The following UBE2Z variants were observed in gnomAD, a reference collection of about 807,000 sequenced individuals.
UBE2Z encodes the protein ubiquitin-conjugating enzyme E2 Z.
A neutral mutation model predicts 32.6 loss-of-function variants in UBE2Z; 10 were observed. The observed-to-expected ratio is 0.31, with a 90% confidence interval of 0.19 to 0.52. UBE2Z has a LOEUF of 0.52. Among genes scored for constraint, UBE2Z ranks in the 20% least tolerant of loss-of-function variants. The pLI is 0.97. For missense variants in UBE2Z, 343 were observed against 480.9 expected, an observed-to-expected ratio of 0.71 and a Z score of 2.68; for synonymous variants, 183 against 190.8, an observed-to-expected ratio of 0.96 and a Z score of 0.34.
intron 3 of UBE2Z, among the ~76,000 whole-genome samples, chr17:48,913,978 C>T (rs965550724): frequency 6.6e-6 from 1 of 152,128 alleles, no homozygotes; most frequent in Non-Finnish European, 1.5e-5. Flanking sequence ...CTCAAGCAGT[C>T]GTCCTCTTGT....
At position 48,908,676 on chromosome 17, in the gene UBE2Z, C is replaced by T. The variant is rs773417096; in HGVS notation, c.173C>T (p.Pro58Leu). ...GCGGCAGCGGGCGGGGCCGGGGGCCCGGGGAGCGGCCTGGCTCCGCTGCCC... is the reference window on the plus strand; with the variant it reads ...GCGGCAGCGGGCGGGGCCGGGGGCCTGGGGAGCGGCCTGGCTCCGCTGCCC... ...AAAAAGGAGG[P>L]GSGLAPLPGL... is the part of the protein sequence containing the mutation. Residue 58 changes from proline (P) to leucine (L), a missense_variant, in exon 1 of 7, where the codon CCG (proline) becomes CTG (leucine). Pro to Leu is a moderately conservative substitution (Grantham distance 98, BLOSUM62 -3). Coordinates refer to ENST00000360943, the MANE Select transcript of UBE2Z (RefSeq NM_023079.5). 2.4e-6 allele frequency: 3 copies of T among 1,226,720 alleles called. No homozygotes were observed. Among genetic ancestry groups the T allele is most frequent in the African/African-American group, 1.6e-5 (1 of 63,384 alleles). The allele number at this position is 1,226,720 out of a possible 1,614,324, so 76.0% of individuals were successfully genotyped here.
chr17:48,926,872 G>A (rs1196590101), intron 6 of UBE2Z, 92 bp from the exon 7 acceptor site: 2 of 1,395,084 alleles, frequency 1.4e-6, no homozygotes, highest in Admixed American at 4.7e-5. Flanking sequence ...CTCAGAAGTT[G>A]AGCTTTCATT....
At chr17:48,922,526 T>C (rs1288280497) in intron 5 of UBE2Z, among the ~76,000 whole-genome samples, 1 of 152,102 alleles carries the variant, frequency 6.6e-6, no homozygotes, top group East Asian at 1.9e-4. Context: ...CCTAGCACTT[T>C]GGGAGGCCGA....
rs748309498 is a variant in UBE2Z, at chr17:48,921,228, C to G, written c.759C>G (p.Val253=). ...CIRHETIRVA[V]CDMMEGKCPC... is the part of the protein sequence containing the mutation. ...GGCACGAGACCATCAGAGTTGCAGT[C>G]TGTGACATGATGGAAGGAAAGTGTC... Residue 253 remains valine (V), a synonymous_variant, in exon 5 of 7, where the codon GTC becomes GTG. Coordinates refer to ENST00000360943, the MANE Select transcript of UBE2Z (RefSeq NM_023079.5). 1 of 1,612,930 alleles carries G rather than the reference C, an allele frequency of 6.2e-7. No homozygotes were observed.
intron 6 of UBE2Z, 33 bp from the exon 7 acceptor site, chr17:48,926,931 A>C: frequency 6.3e-7 from 1 of 1,595,574 alleles, no homozygotes; most frequent in South Asian, 1.1e-5. Flanking sequence ...CCCAGACTTG[A>C]ATCTTCCATC....
At position 48,908,502 on chromosome 17, in the gene UBE2Z, C is replaced by A; in HGVS notation, c.-2C>A. 1 of 1,233,914 alleles carries A rather than the reference C, an allele frequency of 8.1e-7. No homozygotes were observed. The highest frequency in any genetic ancestry group is 2.7e-4 in the Middle Eastern group (1 of 3,680). The allele number at this position is 1,233,914 out of a possible 1,614,324, so 76.4% of individuals were successfully genotyped here. A position where few individuals can be genotyped will look rare whatever the true frequency, so the allele number is the denominator to read the frequency against. On this transcript the variant is annotated 5_prime_UTR_variant, in exon 1 of 7. Coordinates refer to ENST00000360943, the MANE Select transcript of UBE2Z (RefSeq NM_023079.5). ...CCGAGTAGTCCCGGAAGCGAAGCAG[C>A]GATGGCGGAGAGTCCGACTGAGGAG...
chr17:48,912,814 G>A lies in UBE2Z; in HGVS notation c.391-20G>A. 3 of 1,612,332 alleles carry A rather than the reference G, an allele frequency of 1.9e-6. No individual in the cohort carries two copies. Among genetic ancestry groups the A allele is most frequent in the Non-Finnish European group, 2.5e-6 (3 of 1,178,534 alleles). On this transcript the variant is annotated intron_variant, in intron 2 of 6. Coordinates refer to ENST00000360943, the MANE Select transcript of UBE2Z (RefSeq NM_023079.5). ...GTGGGTCATCACCTCACAATTTTGA[G>A]ATGGGGTTTTATTTTGCAGATTCAT...
intron 4 of UBE2Z, among the ~76,000 whole-genome samples, chr17:48,918,372 C>T (rs1598074587): frequency 6.6e-6 from 1 of 152,000 alleles, no homozygotes; most frequent in Non-Finnish European, 1.5e-5. Context: ...CTCACTCCAT[C>T]ACTCAGGCTG....
chr17:48,908,996 C>A (rs555004676), intron 1 of UBE2Z, 176 bp downstream of exon 1: 6 of 356,286 alleles, frequency 1.7e-5, no homozygotes, highest in Non-Finnish European at 2.6e-5. Flanking sequence ...CTTCTCCCCC[C>A]ACCCTCAGAC....
chr17:48,920,361 TG>T (rs2143770715), intron 4 of UBE2Z, among the ~76,000 whole-genome samples: 1 of 152,226 alleles, frequency 6.6e-6, no homozygotes, highest in African/African-American at 2.4e-5. Flanking sequence ...CTGGGCGTGG[TG>T]ACAGGCGCCT....
chr17:48,922,453 A>G (rs1371790103), intron 5 of UBE2Z, among the ~76,000 whole-genome samples: 1 of 152,158 alleles, frequency 6.6e-6, no homozygotes, highest in Non-Finnish European at 1.5e-5. Context: ...TGGGAATGGT[A>G]GGTATTTAAT....
chr17:48,927,278 C>G lies in UBE2Z; in HGVS notation c.*144C>G. The G allele has an allele frequency of 1.1e-6, 1 of 904,928 alleles. No homozygotes were observed. The highest frequency in any genetic ancestry group is 1.7e-6 in the Non-Finnish European group (1 of 606,030). The allele number at this position is 904,928 out of a possible 1,614,324, so 56.1% of individuals were successfully genotyped here. ...GGCAAGAACCAAGCAAGCTCCGATC[C>G]CAGGGTGTGGGAGTGGGGGCCTGTT... On this transcript the variant is annotated 3_prime_UTR_variant, in exon 7 of 7. Coordinates refer to ENST00000360943, the MANE Select transcript of UBE2Z (RefSeq NM_023079.5).
chr17:48,920,007 C>A (rs12950971), intron 4 of UBE2Z, among the ~76,000 whole-genome samples: 1 of 151,776 alleles, frequency 6.6e-6, no homozygotes, highest in Non-Finnish European at 1.5e-5. Flanking sequence ...GTAGTGAGAC[C>A]TTGTCTCTAC....
At chr17:48,923,631 A>AAGAAAGAATGTCAC (rs76585013) in intron 6 of UBE2Z, among the ~76,000 whole-genome samples, 62,175 of 151,606 alleles carry the variant, frequency 0.41, 15,262 homozygotes, top group East Asian at 0.71. Context: ...TCAAAAAAAA[A>AAGAAAGAATGTCAC]AGCTAAAAGC....
chr17:48,925,294 A>G (rs2040790340), intron 6 of UBE2Z, among the ~76,000 whole-genome samples: 1 of 151,860 alleles, frequency 6.6e-6, no homozygotes, highest in South Asian at 2.1e-4. Context: ...AAAAAAAAAA[A>G]AAAAGAAAGA....
At position 48,912,957 on chromosome 17, in the gene UBE2Z, A is replaced by G. The variant is rs2040690941; in HGVS notation, c.514A>G (p.Asn172Asp). 4.3e-6 allele frequency: 7 copies of G among 1,613,980 alleles called. No individual in the cohort carries two copies. The highest frequency in any genetic ancestry group is 5.9e-6 in the Non-Finnish European group (7 of 1,179,882). Reference sequence around the variant, plus strand: ...TCGGGTCAAACTGATGACAACGGGCAATAACACAGTGAGGTTTAACCCCAA... The same window carrying G: ...TCGGGTCAAACTGATGACAACGGGCGATAACACAGTGAGGTTTAACCCCAA... ...PPRVKLMTTG[N>D]NTVRFNPNFY... The change falls in exon 3 of 7, where the codon AAT becomes GAT. Residue 172 changes from asparagine (N) to aspartate (D), a missense_variant. Physicochemically the swap from Asn to Asp is conservative, Grantham distance 23 (BLOSUM62 1). This residue lies in a region of UBE2Z where 182 missense variants were observed against 312.4 expected (regional missense o/e 0.58). Coordinates refer to ENST00000360943, the MANE Select transcript of UBE2Z (RefSeq NM_023079.5).
chr17:48,913,842 G>A (rs537531514), intron 3 of UBE2Z, among the ~76,000 whole-genome samples: 7 of 152,152 alleles, frequency 4.6e-5, no homozygotes, highest in African/African-American at 1.7e-4. Flanking sequence ...AGGCAGTGGC[G>A]GTGGTGGTGG....
chr17:48,924,095 G>A (rs2040781480), intron 6 of UBE2Z, among the ~76,000 whole-genome samples: 1 of 152,136 alleles, frequency 6.6e-6, no homozygotes, highest in African/African-American at 2.4e-5. Context: ...CACCTCAAGT[G>A]ATCTACCTCC....
intron 2 of UBE2Z, chr17:48,912,391 CA>C (rs1414441225): frequency 6.3e-6 from 1 of 157,964 alleles, no homozygotes; most frequent in African/African-American, 2.4e-5. Flanking sequence ...TATATTCAGT[CA>C]AAATCTGTGT....
Sources: allele counts gnomAD v4.1 joint callset (sites outside exome capture counted in the v4.1 genomes callset), GRCh38; gene constraint gnomAD v4.1.1; regional missense constraint gnomAD v4.1.1; transcripts MANE v1.5; gene names NCBI Gene and HGNC (gene_info 2026-07-23, HGNC 2026-07-21).